The following PLA2R1 variants were observed in gnomAD, a reference collection of about 807,000 sequenced individuals.
The protein encoded by PLA2R1 is phospholipase A2 receptor 1, also known as secretory phospholipase A2 receptor.
Under a neutral mutation model 195.9 loss-of-function variants are expected in PLA2R1, and 158 were observed. The observed-to-expected ratio is 0.81, with a 90% confidence interval of 0.71 to 0.92. The LOEUF is 0.92. Ranked by LOEUF, PLA2R1 falls within the 40% of genes least tolerant of loss-of-function variation. The pLI is 0.00. For synonymous variants in PLA2R1, 586 were observed against 598.2 expected (o/e 0.98, Z 0.30); for missense variants, 1,626 against 1,764.6 (o/e 0.92, Z 1.41).
chr2:159,969,346 T>C lies in PLA2R1; in HGVS notation c.2674A>G (p.Thr892Ala), dbSNP rs535356685. 4.1e-5 allele frequency: 65 copies of C among 1,587,860 alleles called. 1 individual carries two copies. In the East Asian group the frequency reaches 1.4e-3, roughly 34 times the overall value. ...ANDEFRWRDG[T>A]PVIYQNWDTG... ...TCCCAGTTCTGGTATATCACTGGTG[T>C]TCCATCTCTCCAGCTGTGGGAAGAT... The change falls in exon 19 of 30, where the codon ACA (threonine) becomes GCA (alanine). Residue 892 changes from threonine (T) to alanine (A), a missense_variant. Physicochemically the swap from Thr to Ala is moderately conservative, Grantham distance 58. Transcript: ENST00000283243.
At chr2:159,949,901 T>A in intron 24 of PLA2R1, 125 bp from the exon 25 acceptor site, 1 of 694,606 alleles carries the variant, frequency 1.4e-6, no homozygotes, top group Non-Finnish European at 2.5e-6. Context: ...AAAGAGGGGC[T>A]AGGACATCTG....
intron 7 of PLA2R1, 124 bp downstream of exon 7, chr2:160,022,540 AC>A (rs137921233): frequency 0.022 from 10,714 of 484,622 alleles, 162 homozygotes; most frequent in Non-Finnish European, 0.03. Flanking sequence ...ACATTTAGAA[AC>A]TTTAAATATA....
chr2:160,055,706 C>T (rs535776109), intron 1 of PLA2R1, among the ~76,000 whole-genome samples: 1 of 152,166 alleles, frequency 6.6e-6, no homozygotes, highest in African/African-American at 2.4e-5. Flanking sequence ...AGTTACTTAA[C>T]CCTTCTTCAT....
intron 20 of PLA2R1, 89 bp downstream of exon 20, chr2:159,967,449 CT>C: frequency 8.5e-7 from 1 of 1,169,990 alleles, no homozygotes; most frequent in East Asian, 2.4e-5. Flanking sequence ...CAACTCACAG[CT>C]TTCAAAAGCC....
At chr2:159,992,545 C>T (rs1417080586) in intron 11 of PLA2R1, among the ~76,000 whole-genome samples, 2 of 149,558 alleles carry the variant, frequency 1.3e-5, no homozygotes, top group Non-Finnish European at 3.0e-5. Context: ...ACATTCCATG[C>T]TCATGGGTAG....
In PLA2R1 at chr2:160,022,854, C is replaced by CT; in HGVS notation, c.1104dup (p.Asp369ArgfsTer11). The CT allele has an allele frequency of 6.3e-7, 1 of 1,582,562 alleles. No individual in the cohort carries two copies. The highest frequency in any genetic ancestry group is 8.6e-7 in the Non-Finnish European group (1 of 1,163,858). On this transcript the variant is annotated frameshift_variant, in exon 7 of 30. Coordinates refer to ENST00000283243, the MANE Select transcript of PLA2R1 (RefSeq NM_007366.5). LOFTEE classifies it high-confidence loss of function. Reference sequence around the variant, plus strand: ...TGGGTAGCATAATATTTCCACGCATCTTTTTCTTTTTAAACCAACAAAAAA... The same window carrying CT: ...TGGGTAGCATAATATTTCCACGCATCTTTTTTCTTTTTAAACCAACAAAAAA...
chr2:160,016,648 T>C lies in PLA2R1; in HGVS notation c.1517A>G (p.His506Arg), dbSNP rs1398231771. ...TCCTGATTCAGCATCAGAGAGGACA[T>C]GGCCTGCTTTTTTACAAATGTAAAA... ...RLFYICKKAG[H>R]VLSDAESGCQ... The change falls in exon 9 of 30, where the codon CAT (histidine) becomes CGT (arginine). Residue 506 changes from histidine to arginine, a missense_variant. His to Arg is a conservative substitution (Grantham distance 29, BLOSUM62 0). Coordinates refer to ENST00000283243, the MANE Select transcript of PLA2R1 (RefSeq NM_007366.5). 6 of 1,609,252 alleles carry C rather than the reference T, an allele frequency of 3.7e-6. No homozygotes were observed. The African/African-American group carries it at 5.3e-5, about 14-fold the overall frequency.
intron 4 of PLA2R1, among the ~76,000 whole-genome samples, chr2:160,029,495 G>A (rs767889546): frequency 2.6e-5 from 4 of 152,162 alleles, no homozygotes; most frequent in Non-Finnish European, 4.4e-5. Flanking sequence ...AGTGCAAACT[G>A]GAGGCTGCTT....
At position 160,033,148 on chromosome 2, in the gene PLA2R1, A is replaced by G. The variant is rs1263930335; in HGVS notation, c.668-16T>C. ...TCTGCAGAGGCTGGAAACAATGGCC[A>G]TTAAAAACAACCAGGTCTTATTTTA... On this transcript the variant is annotated splice_polypyrimidine_tract_variant and intron_variant, in intron 3 of 29. Transcript: ENST00000283243. 15 of 1,596,172 alleles carry G rather than the reference A, an allele frequency of 9.4e-6. No individual in the cohort carries two copies. The highest frequency in any genetic ancestry group is 1.8e-5 in the Admixed American group (1 of 56,548).
chr2:159,947,537 T>G lies in PLA2R1; in HGVS notation c.3732A>C (p.Pro1244=). 1 of 1,613,132 alleles carries G rather than the reference T, an allele frequency of 6.2e-7. No individual in the cohort carries two copies. Among genetic ancestry groups the G allele is most frequent in the Non-Finnish European group, 8.5e-7 (1 of 1,179,460 alleles). ...GAATAGATGTTTCTGAGCACAACTCTGGGTGTTCAGATTGTCTTGTTTCTG... is the reference window on the plus strand; with the variant it reads ...GAATAGATGTTTCTGAGCACAACTCGGGGTGTTCAGATTGTCTTGTTTCTG... ...VPPETRQSEH[P]ELCSETSIPW... Residue 1244 remains proline, a synonymous_variant, in exon 26 of 30, where the codon CCA becomes CCC. Coordinates refer to ENST00000283243, the MANE Select transcript of PLA2R1 (RefSeq NM_007366.5).
intron 10 of PLA2R1, among the ~76,000 whole-genome samples, chr2:160,006,151 C>A (rs1406998277): frequency 1.3e-5 from 2 of 152,064 alleles, no homozygotes; most frequent in Non-Finnish European, 2.9e-5. Context: ...TACGATGTGG[C>A]CTATTTTGTA....
At chr2:160,056,427 T>C (rs1037712432) in intron 1 of PLA2R1, among the ~76,000 whole-genome samples, 4 of 152,142 alleles carry the variant, frequency 2.6e-5, no homozygotes, top group African/African-American at 9.7e-5. Flanking sequence ...TTTTGCCTCT[T>C]CTTCACTTTG....
At chr2:159,931,746 C>T (rs745602272), downstream of PLA2R1, among the ~76,000 whole-genome samples, 5 of 151,928 alleles carry the variant, frequency 3.3e-5, no homozygotes, top group African/African-American at 9.7e-5. Context: ...TTTTCATTTA[C>T]GAAAAACCAG....
intron 4 of PLA2R1, among the ~76,000 whole-genome samples, chr2:160,031,743 TTTTA>T (rs1431267514): frequency 6.6e-6 from 1 of 152,140 alleles, no homozygotes; most frequent in East Asian, 1.9e-4. Context: ...GCTGCCATGT[TTTTA>T]TTTATTTTTA....
At chr2:160,014,467 T>A (rs76328500) in intron 9 of PLA2R1, among the ~76,000 whole-genome samples, 220 of 152,288 alleles carry the variant, frequency 1.4e-3, no homozygotes, top group African/African-American at 5.0e-3. Context: ...AAGACATACA[T>A]TCATTAGTCC....
intron 11 of PLA2R1, among the ~76,000 whole-genome samples, chr2:159,995,584 C>T (rs1479818951): frequency 6.6e-6 from 1 of 151,784 alleles, no homozygotes; most frequent in African/African-American, 2.4e-5. Flanking sequence ...TAATAATATT[C>T]ATAGATTTGT....
chr2:160,042,233 T>A (rs761562707), intron 2 of PLA2R1, 35 bp from the exon 3 acceptor site: 2 of 1,580,142 alleles, frequency 1.3e-6, no homozygotes, highest in African/African-American at 2.7e-5. Context: ...CAGATAAGTA[T>A]GATGTCAGCT....
At position 160,005,783 on chromosome 2, in the gene PLA2R1, A is replaced by G; in HGVS notation, c.1703T>C (p.Val568Ala). 2 of 1,612,878 alleles carry G rather than the reference A, an allele frequency of 1.2e-6. No individual in the cohort carries two copies. Among genetic ancestry groups the G allele is most frequent in the South Asian group, 1.1e-5 (1 of 91,058 alleles). Reference sequence around the variant, plus strand: ...AAAATAACTGTCCTTCATTTTTACCACACTACTGATCAAACTGGTAATAAA... The same window carrying G: ...AAAATAACTGTCCTTCATTTTTACCGCACTACTGATCAAACTGGTAATAAA... ...QAFITSLISSVVKMKDSYFWI... is the reference protein window; with the variant it reads ...QAFITSLISSAVKMKDSYFWI... The change falls in exon 11 of 30, where the codon GTG becomes GCG. Residue 568 changes from valine (V) to alanine (A), a missense_variant. Val to Ala is a moderately conservative substitution (Grantham distance 64). Coordinates refer to ENST00000283243, the MANE Select transcript of PLA2R1 (RefSeq NM_007366.5).
chr2:159,945,005 A>T lies in PLA2R1; in HGVS notation c.4045T>A (p.Phe1349Ile). ...WGIRKPDTDY[F>I]KPHHCVALRI... The stretch of plus-strand genomic sequence containing the variant: ...AAGGCAACACAATGATGGGGCTTGA[A>T]GTAGTCTGTGTCTGGCTTCCGAATG... The change falls in exon 28 of 30, where the codon TTC (phenylalanine) becomes ATC (isoleucine). Residue 1349 changes from phenylalanine to isoleucine, a missense_variant. Transcript: ENST00000283243. 1 of 1,613,698 alleles carries T rather than the reference A, an allele frequency of 6.2e-7. No homozygotes were observed. Among genetic ancestry groups the T allele is most frequent in the South Asian group, 1.1e-5 (1 of 91,064 alleles).
Sources: allele counts gnomAD v4.1 joint callset (sites outside exome capture counted in the v4.1 genomes callset), GRCh38; gene constraint gnomAD v4.1.1; transcripts MANE v1.5; gene names NCBI Gene and HGNC (gene_info 2026-07-23, HGNC 2026-07-21).